Variants in TANC2 observed in about 807,000 individuals in gnomAD.
TANC2 encodes protein TANC2.
TANC2 carries 26 observed loss-of-function variants against 210.5 expected under a neutral mutation model. That is an observed-to-expected ratio of 0.12 (90% CI 0.09 to 0.17). The LOEUF is 0.17. Ranked by LOEUF, TANC2 falls within the 10% of genes least tolerant of loss-of-function variation. The pLI is 1.00. For missense variants in TANC2, 2,129 were observed against 2,608.9 expected (o/e 0.82, Z 4.01); for synonymous variants, 931 against 967.1 (o/e 0.96, Z 0.69).
chr17:62,988,252 C>T lies in TANC2; in HGVS notation c.-23-21285C>T, dbSNP rs546573034. Reference sequence around the variant, plus strand: ...AAGCGATTCTTCTGCCTCAGCCTGCCGAGTAGCTGGGATTACAGGCGTGCA... The same window carrying T: ...AAGCGATTCTTCTGCCTCAGCCTGCTGAGTAGCTGGGATTACAGGCGTGCA... On this transcript the variant is annotated intron_variant, in intron 1 of 27. Coordinates refer to ENST00000689528, the Ensembl canonical transcript of TANC2. 5.2e-4 allele frequency among the ~76,000 whole-genome samples: 79 copies of T among 150,738 alleles called. 1 individual carries two copies. The highest frequency in any genetic ancestry group is 1.9e-3 in the African/African-American group (79 of 40,884).
At chr17:63,072,098 A>G (rs953747336) in intron 2 of TANC2, among the ~76,000 whole-genome samples, 2 of 152,180 alleles carry the variant, frequency 1.3e-5, no homozygotes, top group Admixed American at 6.5e-5. Context: ...TCTTAAATAC[A>G]TTTTAGAAAG....
chr17:63,090,910 T>G (rs1250347065), intron 3 of TANC2, among the ~76,000 whole-genome samples: 2 of 152,248 alleles, frequency 1.3e-5, no homozygotes, highest in Non-Finnish European at 2.9e-5. Context: ...CTAACTGGTG[T>G]GAGATGGTAT....
intron 9 of TANC2, among the ~76,000 whole-genome samples, chr17:63,288,799 C>T (rs984797894): frequency 3.4e-4 from 52 of 151,870 alleles, no homozygotes; most frequent in African/African-American, 1.2e-3. Flanking sequence ...CTTTTCCTTC[C>T]TTTATGTAGA....
intron 9 of TANC2, among the ~76,000 whole-genome samples, chr17:63,307,752 G>T (rs571544676): frequency 4.4e-4 from 50 of 112,788 alleles, no homozygotes; most frequent in African/African-American, 3.5e-3. Context: ...AGAGTTTGTT[G>T]TTGCTGTTGT....
chr17:62,987,976 C>T (rs2032658928), intron 1 of TANC2, among the ~76,000 whole-genome samples: 1 of 152,028 alleles, frequency 6.6e-6, no homozygotes, highest in African/African-American at 2.4e-5. Context: ...TTAATATATT[C>T]CATATTAAAT....
At chr17:63,204,465 G>T (rs906877753) in intron 7 of TANC2, among the ~76,000 whole-genome samples, 1 of 152,048 alleles carries the variant, frequency 6.6e-6, no homozygotes, top group African/African-American at 2.4e-5. Flanking sequence ...AGTAGTCTTT[G>T]CAGAAATAGA....
chr17:63,362,295 A>G (rs905143516), intron 14 of TANC2, among the ~76,000 whole-genome samples: 9 of 152,186 alleles, frequency 5.9e-5, no homozygotes, highest in Admixed American at 5.9e-4. Context: ...AAGGGAGGAC[A>G]TGCATGCTAA....
intron 1 of TANC2, among the ~76,000 whole-genome samples, chr17:63,001,184 A>G (rs2033363338): frequency 6.6e-6 from 1 of 152,214 alleles, no homozygotes; most frequent in African/African-American, 2.4e-5. Flanking sequence ...CTATGTGTAA[A>G]TAATCAGAGT....
chr17:63,054,671 G>A (rs1339376478), intron 2 of TANC2, among the ~76,000 whole-genome samples: 2 of 151,770 alleles, frequency 1.3e-5, no homozygotes, highest in Non-Finnish European at 2.9e-5. Context: ...GTGAGCCACC[G>A]TGCCCGGCCA....
intron 4 of TANC2, among the ~76,000 whole-genome samples, chr17:63,144,268 G>A (rs1457251974): frequency 1.3e-5 from 2 of 152,092 alleles, no homozygotes; most frequent in Non-Finnish European, 2.9e-5. Context: ...CATTTCTACA[G>A]TTGTTCACTA....
intron 5 of TANC2, among the ~76,000 whole-genome samples, chr17:63,163,746 C>T (rs9913027): frequency 0.6 from 90,971 of 152,094 alleles, 29,704 homozygotes; most frequent in African/African-American, 0.86. Context: ...TCATAGACCT[C>T]GTAGTTTAGC....
At chr17:63,091,347 T>G (rs2037185727) in intron 3 of TANC2, among the ~76,000 whole-genome samples, 1 of 152,246 alleles carries the variant, frequency 6.6e-6, no homozygotes, top group South Asian at 2.1e-4. Context: ...GTTTTAGGTC[T>G]TACATTTAAG....
intron 20 of TANC2, 65 bp from the exon 21 acceptor site, chr17:63,406,089 T>C (rs1599053172): frequency 6.3e-7 from 1 of 1,595,070 alleles, no homozygotes; most frequent in East Asian, 2.3e-5. Context: ...TAAGAGATAG[T>C]GTGCACGTGT....
intron 7 of TANC2, among the ~76,000 whole-genome samples, chr17:63,217,177 C>T (rs1020974018): frequency 6.6e-6 from 1 of 151,846 alleles, no homozygotes; most frequent in Non-Finnish European, 1.5e-5. Context: ...GAAGTTCAAC[C>T]GAATGTAAGC....
chr17:63,006,125 G>A (rs1023383090), intron 1 of TANC2, among the ~76,000 whole-genome samples: 1 of 152,004 alleles, frequency 6.6e-6, no homozygotes, highest in Admixed American at 6.6e-5. Context: ...CTGAAATGAT[G>A]TCCTCTATTT....
Position 63,179,820 on chromosome 17 carries a change from T to A in TANC2, c.434-14171T>A, listed in dbSNP as rs188949273. 7.9e-4 allele frequency among the ~76,000 whole-genome samples: 121 copies of A among 152,236 alleles called. 1 individual carries two copies. The highest frequency in any genetic ancestry group is 2.9e-3 in the African/African-American group (119 of 41,550). On this transcript the variant is annotated intron_variant, in intron 5 of 27. Transcript: ENST00000689528. ...CCAAAATAAGGATAATTGTTTTGTC[T>A]CTGTGCTCTTCCTAGCACTTCCTTT...
intron 4 of TANC2, among the ~76,000 whole-genome samples, chr17:63,141,421 G>T (rs528099400): frequency 3.2e-4 from 31 of 96,902 alleles, no homozygotes; most frequent in African/African-American, 1.0e-3. Flanking sequence ...AAAAAAATTA[G>T]CCCGGCATGG....
chr17:62,968,924 T>C (rs1180506904), intron 1 of TANC2, among the ~76,000 whole-genome samples: 1 of 152,186 alleles, frequency 6.6e-6, no homozygotes, highest in Non-Finnish European at 1.5e-5. Flanking sequence ...ACTACTACAT[T>C]CTTCCCTTAT....
intron 3 of TANC2, chr17:63,088,431 A>G (rs1490777628): frequency 6.6e-6 from 1 of 152,192 alleles, no homozygotes; most frequent in East Asian, 1.9e-4. Context: ...GAATGTGTCT[A>G]AACATGTTCA....
Sources: gnomAD v4.1 joint callset for allele counts (sites outside exome capture counted in the v4.1 genomes callset) on GRCh38, gnomAD v4.1.1 for gene constraint, MANE v1.5 for transcripts, NCBI Gene and HGNC (gene_info 2026-07-23, HGNC 2026-07-21) for gene names.